MPPED2: variants seen among roughly 807,000 people sequenced by gnomAD.
The protein encoded by MPPED2 is metallophosphoesterase domain containing 2, also known as metallophosphoesterase MPPED2.
A neutral mutation model predicts 33.0 loss-of-function variants in MPPED2; 5 were observed. That is an observed-to-expected ratio of 0.15 (90% CI 0.08 to 0.32). The LOEUF (loss-of-function observed/expected upper bound fraction) is 0.32, where lower values mean the gene tolerates loss of function less well. Ranked by LOEUF, MPPED2 falls within the 10% of genes least tolerant of loss-of-function variation. The pLI, the probability that MPPED2 is intolerant of heterozygous loss-of-function variation, is 1.00. For synonymous variants in MPPED2, 136 were observed against 141.9 expected (o/e 0.96, Z 0.29); for missense variants, 275 against 372.1 (o/e 0.74, Z 2.15).
intron 2 of MPPED2, among the ~76,000 whole-genome samples, chr11:30,545,880 T>A: frequency 6.6e-6 from 1 of 152,210 alleles, no homozygotes; most frequent in Non-Finnish European, 1.5e-5. Flanking sequence ...TATATTTTTT[T>A]TAGACAGAGT....
chr11:30,389,549 C>T (rs140779685), intron 6 of MPPED2, among the ~76,000 whole-genome samples: 128 of 152,310 alleles, frequency 8.4e-4, no homozygotes, highest in African/African-American at 2.9e-3. Flanking sequence ...GGACTCCCTG[C>T]TTCCTTTCCT....
At chr11:30,420,977 CAG>C (rs1303662001) in intron 4 of MPPED2, among the ~76,000 whole-genome samples, 1 of 152,070 alleles carries the variant, frequency 6.6e-6, no homozygotes, top group African/African-American at 2.4e-5. Context: ...CAAAGAGAGA[CAG>C]AGAAAAACAA....
chr11:30,395,653 G>A (rs894625119), intron 6 of MPPED2, among the ~76,000 whole-genome samples: 2 of 152,142 alleles, frequency 1.3e-5, no homozygotes, highest in Admixed American at 1.3e-4. Flanking sequence ...GCTTAGTTTG[G>A]CCTCTTAAAA....
At chr11:30,479,538 G>T (rs1951383430) in intron 4 of MPPED2, among the ~76,000 whole-genome samples, 1 of 151,954 alleles carries the variant, frequency 6.6e-6, no homozygotes, top group African/African-American at 2.4e-5. Context: ...TTGTTTCATT[G>T]CTCAGGATAT....
chr11:30,410,658 C>T lies in MPPED2; in HGVS notation c.*810G>A. The T allele has an allele frequency of 1.0e-6, 1 of 985,668 alleles. No homozygotes were observed. 61.1% of individuals were successfully genotyped at this position (985,668 alleles called of 1,614,324 possible). ...TATACAGCATCCCTTTGCAGTTGTA[C>T]TGTCCTTGACAATAATAAACTCCTA... On this transcript the variant is annotated 3_prime_UTR_variant, in exon 7 of 7. Coordinates refer to ENST00000358117, the MANE Select transcript of MPPED2 (RefSeq NM_001584.3).
At chr11:30,527,151 C>T (rs1249375069) in intron 3 of MPPED2, among the ~76,000 whole-genome samples, 1 of 151,874 alleles carries the variant, frequency 6.6e-6, no homozygotes, top group Non-Finnish European at 1.5e-5. Context: ...AAGATGGTCT[C>T]GATCTCCTGA....
At chr11:30,563,040 T>G (rs1211985153) in intron 2 of MPPED2, among the ~76,000 whole-genome samples, 1 of 152,102 alleles carries the variant, frequency 6.6e-6, no homozygotes, top group Non-Finnish European at 1.5e-5. Flanking sequence ...TACTATGCAT[T>G]GGGGATAAAA....
chr11:30,470,165 A>G (rs1009816789), intron 4 of MPPED2, among the ~76,000 whole-genome samples: 1 of 152,160 alleles, frequency 6.6e-6, no homozygotes, highest in Non-Finnish European at 1.5e-5. Context: ...GTCCATCATG[A>G]GGTGGACAGC....
chr11:30,416,457 A>C (rs113533439), intron 5 of MPPED2, among the ~76,000 whole-genome samples: 32 of 151,950 alleles, frequency 2.1e-4, no homozygotes, highest in African/African-American at 6.3e-4. Flanking sequence ...TTTTCTTTTT[A>C]TTTTTAGGGA....
chr11:30,545,242 GA>G (rs201011142), intron 2 of MPPED2, among the ~76,000 whole-genome samples: 258 of 152,270 alleles, frequency 1.7e-3, no homozygotes, highest in African/African-American at 5.9e-3. Flanking sequence ...GAGGTGGGGG[GA>G]TTCTTGAGGA....
rs1256994825 is a variant in MPPED2 at position 30,495,346 on chromosome 11, T to G, written c.486A>C (p.Leu162Phe). Residue 162 changes from leucine (L) to phenylalanine (F), a missense_variant, in exon 4 of 7, where the codon TTA becomes TTC. Coordinates refer to ENST00000358117, the MANE Select transcript of MPPED2 (RefSeq NM_001584.3). ...VQSLLTNSIY[L>F]QDSEVTVKGF... ...CCTTCACTGTTACCTCCGAATCTTG[T>G]AAGTAAATACTGTTTGTCAGGAGGG... The G allele has an allele frequency of 6.2e-7, 1 of 1,614,166 alleles. No individual in the cohort carries two copies. The highest frequency in any genetic ancestry group is 2.2e-5 in the East Asian group (1 of 44,880).
chr11:30,454,874 G>C (rs1245074769), intron 4 of MPPED2, among the ~76,000 whole-genome samples: 4 of 152,176 alleles, frequency 2.6e-5, no homozygotes, highest in Non-Finnish European at 5.9e-5. Context: ...AGAATCTAGC[G>C]ATCATATTCC....
chr11:30,398,369 T>A (rs1229494381), intron 6 of MPPED2, among the ~76,000 whole-genome samples: 1 of 152,144 alleles, frequency 6.6e-6, no homozygotes, highest in Non-Finnish European at 1.5e-5. Flanking sequence ...CATAAAGGGG[T>A]AGCTTTAGAT....
intron 4 of MPPED2, among the ~76,000 whole-genome samples, chr11:30,433,202 G>C (rs1285100626): frequency 6.6e-6 from 1 of 152,194 alleles, no homozygotes; most frequent in African/African-American, 2.4e-5. Flanking sequence ...AAATAAGTTT[G>C]AGAAATGTTC....
intron 2 of MPPED2, among the ~76,000 whole-genome samples, chr11:30,569,209 G>A (rs990462382): frequency 4.6e-5 from 7 of 152,056 alleles, no homozygotes; most frequent in Admixed American, 1.3e-4. Flanking sequence ...GGGGCACAAC[G>A]TGGAGCAAAC....
At chr11:30,495,942 A>C (rs1233155139) in intron 3 of MPPED2, among the ~76,000 whole-genome samples, 3 of 152,324 alleles carry the variant, frequency 2.0e-5, no homozygotes, top group Non-Finnish European at 1.5e-5. Flanking sequence ...GATAACTACT[A>C]GATTTTTAGT....
chr11:30,556,728 C>T (rs1955979834), intron 2 of MPPED2, among the ~76,000 whole-genome samples: 1 of 152,112 alleles, frequency 6.6e-6, no homozygotes, highest in Non-Finnish European at 1.5e-5. Context: ...TATATTACAA[C>T]AATTAACACT....
At chr11:30,419,927 G>C (rs1225020958) in intron 4 of MPPED2, among the ~76,000 whole-genome samples, 1 of 152,122 alleles carries the variant, frequency 6.6e-6, no homozygotes, top group East Asian at 1.9e-4. Flanking sequence ...TTCCTTCTAA[G>C]GGCCAATAAA....
chr11:30,453,740 C>T (rs1950162621), intron 4 of MPPED2, among the ~76,000 whole-genome samples: 1 of 152,206 alleles, frequency 6.6e-6, no homozygotes, highest in African/African-American at 2.4e-5. Flanking sequence ...AGAAGACTGG[C>T]TCTGTTTCCC....
Sources: gnomAD v4.1 joint callset for allele counts (sites outside exome capture counted in the v4.1 genomes callset) on GRCh38, gnomAD v4.1.1 for gene constraint, MANE v1.5 for transcripts, NCBI Gene and HGNC (gene_info 2026-07-23, HGNC 2026-07-21) for gene names.